Variants in DECR1 observed in about 807,000 individuals in gnomAD.
The protein encoded by DECR1 is 2,4-dienoyl-CoA reductase 1, also known as 2,4-dienoyl-CoA reductase [(3E)-enoyl-CoA-producing], mitochondrial.
DECR1 carries 44 observed loss-of-function variants against 38.8 expected under a neutral mutation model. The observed-to-expected ratio is 1.13, with a 90% confidence interval of 0.89 to 1.46. The LOEUF (loss-of-function observed/expected upper bound fraction) is 1.46, where lower values mean the gene tolerates loss of function less well. Ranked by LOEUF, DECR1 falls within the 40% of genes most tolerant of loss-of-function variation. The probability of loss-of-function intolerance (pLI) is 0.00; values close to 1 mark genes in which losing one functional copy is unlikely to be tolerated. For missense variants in DECR1, 428 were observed against 405.5 expected (o/e 1.06, Z -0.48); for synonymous variants, 148 against 135.2 (o/e 1.09, Z -0.66).
At chr8:90,017,453 ATTAT>A (rs1237405548) in intron 2 of DECR1, 127 bp downstream of exon 2, 1 of 532,622 alleles carries the variant, frequency 1.9e-6, no homozygotes. Flanking sequence ...TACTAGAAAT[ATTAT>A]TTAGATTATT....
intron 5 of DECR1, among the ~76,000 whole-genome samples, chr8:90,024,613 A>T (rs1813278177): frequency 6.6e-6 from 1 of 151,958 alleles, no homozygotes; most frequent in Non-Finnish European, 1.5e-5. Context: ...TAGATTCTGG[A>T]TATTAGTCCT....
intron 8 of DECR1, among the ~76,000 whole-genome samples, chr8:90,050,008 C>G (rs565979712): frequency 2.0e-4 from 31 of 152,260 alleles, no homozygotes; most frequent in African/African-American, 7.2e-4. Context: ...CTTCCTTACT[C>G]CTTATACAAA....
chr8:90,047,273 G>A (rs968125230), intron 8 of DECR1, among the ~76,000 whole-genome samples: 23 of 152,118 alleles, frequency 1.5e-4, no homozygotes, highest in African/African-American at 5.6e-4. Flanking sequence ...TCAGTGTGCT[G>A]TATTTAGGAG....
intron 1 of DECR1, among the ~76,000 whole-genome samples, chr8:90,006,434 G>T (rs995078467): frequency 6.6e-6 from 1 of 152,216 alleles, no homozygotes; most frequent in South Asian, 2.1e-4. Context: ...AACAGAGAGT[G>T]GGGAGGCAGG....
intron 1 of DECR1, chr8:90,006,257 C>T: frequency 1.4e-6 from 1 of 704,110 alleles, no homozygotes; most frequent in South Asian, 1.5e-5. Context: ...GGGGAAGAAG[C>T]ATCTCCTGCT....
intron 8 of DECR1, among the ~76,000 whole-genome samples, chr8:90,045,570 C>A (rs1380660972): frequency 6.6e-6 from 1 of 152,200 alleles, no homozygotes; most frequent in Non-Finnish European, 1.5e-5. Context: ...CTCAAGGAGG[C>A]CTGCCTTCCT....
At chr8:90,021,100 T>C in intron 5 of DECR1, 44 bp downstream of exon 5, 1 of 1,497,790 alleles carries the variant, frequency 6.7e-7, no homozygotes, top group Non-Finnish European at 8.9e-7. Flanking sequence ...CTTCTGTGTG[T>C]GCAAGGTTCT....
At chr8:90,019,867 A>G (rs896229682) in intron 4 of DECR1, among the ~76,000 whole-genome samples, 14 of 152,342 alleles carry the variant, frequency 9.2e-5, no homozygotes, top group African/African-American at 2.9e-4. Context: ...TAAAGAATCC[A>G]TTTATGATTG....
chr8:90,017,427 T>C, intron 2 of DECR1, 101 bp downstream of exon 2: 2 of 754,936 alleles, frequency 2.6e-6, no homozygotes, highest in South Asian at 5.2e-5. Flanking sequence ...GATTAGCATC[T>C]TAATCTTATA....
intron 1 of DECR1, chr8:90,006,208 T>C (rs2129997259): frequency 1.4e-6 from 1 of 704,100 alleles, no homozygotes; most frequent in Non-Finnish European, 2.6e-6. Context: ...CCTGGAGTTG[T>C]ACTACCTGAA....
intron 1 of DECR1, 42 bp downstream of exon 1, chr8:90,001,603 C>G: frequency 6.4e-7 from 1 of 1,569,360 alleles, no homozygotes; most frequent in South Asian, 1.1e-5. Flanking sequence ...CAGGGCGTCT[C>G]GACGCGCAAA....
intron 5 of DECR1, among the ~76,000 whole-genome samples, chr8:90,029,621 C>T (rs964284286): frequency 6.6e-6 from 1 of 152,200 alleles, no homozygotes; most frequent in African/African-American, 2.4e-5. Context: ...GTACATTATA[C>T]TGTTTTTACA....
chr8:90,011,300 A>G (rs1050693954), intron 1 of DECR1, among the ~76,000 whole-genome samples: 1 of 152,188 alleles, frequency 6.6e-6, no homozygotes, highest in African/African-American at 2.4e-5. Context: ...TAGATAATAG[A>G]TCCATATAAC....
chr8:90,039,926 C>A (rs569062446), intron 6 of DECR1, among the ~76,000 whole-genome samples: 1 of 152,144 alleles, frequency 6.6e-6, no homozygotes, highest in African/African-American at 2.4e-5. Flanking sequence ...ATAATAATGG[C>A]TAACATATTG....
intron 7 of DECR1, 80 bp downstream of exon 7, chr8:90,042,880 A>G: frequency 7.9e-7 from 1 of 1,268,008 alleles, no homozygotes; most frequent in South Asian, 1.2e-5. Context: ...GTTGTTGTGT[A>G]AAGGACTTTC....
chr8:90,044,754 A>T, intron 7 of DECR1, 95 bp from the exon 8 acceptor site: 1 of 1,343,600 alleles, frequency 7.4e-7, no homozygotes, highest in Non-Finnish European at 1.0e-6. Flanking sequence ...TTTAAGCTGC[A>T]TGGCAGCATG....
chr8:90,046,893 G>T (rs1196519216), intron 8 of DECR1, among the ~76,000 whole-genome samples: 2 of 152,172 alleles, frequency 1.3e-5, no homozygotes, highest in Non-Finnish European at 2.9e-5. Context: ...CATTCTTAAA[G>T]AAAATAATTT....
chr8:90,019,562 C>T (rs1465522608), intron 4 of DECR1, among the ~76,000 whole-genome samples: 3 of 152,196 alleles, frequency 2.0e-5, no homozygotes, highest in Non-Finnish European at 4.4e-5. Flanking sequence ...GTTATCAGTT[C>T]GTTGCCATGG....
chr8:90,006,178 A>C, intron 1 of DECR1: 4 of 703,872 alleles, frequency 5.7e-6, no homozygotes, highest in Non-Finnish European at 7.8e-6. Flanking sequence ...TAGCAGGTTG[A>C]CTAAGGGGAC....
Sources: gnomAD v4.1 joint callset for allele counts (sites outside exome capture counted in the v4.1 genomes callset) on GRCh38, gnomAD v4.1.1 for gene constraint, MANE v1.5 for transcripts, NCBI Gene and HGNC (gene_info 2026-07-23, HGNC 2026-07-21) for gene names.